Variants in RMST observed in about 807,000 individuals in gnomAD.
The protein encoded by RMST is rhabdomyosarcoma 2 associated transcript.
At chr12:97,512,516 A>G (rs1240328285) in intron 10 of RMST, among the ~76,000 whole-genome samples, 2 of 152,180 alleles carry the variant, frequency 1.3e-5, no homozygotes, top group East Asian at 3.9e-4. Context: ...AGCTAGACAC[A>G]AAGGTTCTCC....
At chr12:97,473,036 ATATAATAAAATTACTGT>A (rs1874115820) in intron 5 of RMST, among the ~76,000 whole-genome samples, 1 of 152,150 alleles carries the variant, frequency 6.6e-6, no homozygotes, top group East Asian at 1.9e-4. Flanking sequence ...TAATTGAATA[ATATAATAAAATTACTGT>A]TAGCAATCAT....
intron 10 of RMST, among the ~76,000 whole-genome samples, chr12:97,498,583 G>A (rs1877725631): frequency 8.0e-6 from 1 of 124,266 alleles, no homozygotes; most frequent in South Asian, 2.7e-4. Flanking sequence ...CAATTTTTCT[G>A]TGTAATGCAT....
intron 10 of RMST, among the ~76,000 whole-genome samples, chr12:97,513,460 A>G (rs1017173068): frequency 6.6e-6 from 1 of 152,236 alleles, no homozygotes; most frequent in African/African-American, 2.4e-5. Context: ...TATTGAGTAG[A>G]GTGCCTACTA....
Position 97,486,355 on chromosome 12 carries a change from C to T in RMST, n.645-6106C>T, listed in dbSNP as rs1028090068. Among the ~76,000 whole-genome samples, 6 of 84,426 alleles carry T rather than the reference C, an allele frequency of 7.1e-5. No homozygotes were observed. In the Admixed American group the frequency reaches 7.2e-4, roughly 10 times the overall value. The allele number at this position is 84,426 out of a possible 152,430, so 55.4% of individuals were successfully genotyped here. On this transcript the variant is annotated intron_variant and non_coding_transcript_variant, in intron 5 of 13. Coordinates refer to ENST00000640149, the Ensembl canonical transcript of RMST. Reference sequence around the variant, plus strand: ...CTAATGTGAATAAGTGACATGGCTACCTTGAACATGCTCCTATGAAAAGCA... The same window carrying T: ...CTAATGTGAATAAGTGACATGGCTATCTTGAACATGCTCCTATGAAAAGCA...
At chr12:97,478,732 A>T (rs988349456) in intron 5 of RMST, among the ~76,000 whole-genome samples, 6 of 152,220 alleles carry the variant, frequency 3.9e-5, no homozygotes, top group African/African-American at 7.2e-5. Flanking sequence ...AATAGGAGTT[A>T]AAAAAGAGAC....
intron 5 of RMST, among the ~76,000 whole-genome samples, chr12:97,469,822 C>G (rs1191947129): frequency 6.6e-6 from 1 of 152,066 alleles, no homozygotes; most frequent in Non-Finnish European, 1.5e-5. Flanking sequence ...ACAGGTACCT[C>G]ACAACTACCT....
intron 5 of RMST, among the ~76,000 whole-genome samples, chr12:97,490,657 T>C (rs1876688599): frequency 1.3e-5 from 2 of 152,226 alleles, no homozygotes; most frequent in Non-Finnish European, 2.9e-5. Flanking sequence ...TATTTATATT[T>C]AGACATTCTC....
chr12:97,552,233 A>G (rs752525887), intron 11 of RMST: 3 of 152,226 alleles, frequency 2.0e-5, no homozygotes, highest in Admixed American at 2.0e-4. Context: ...TAGAAATCTC[A>G]TATAATAAGC....
intron 10 of RMST, among the ~76,000 whole-genome samples, chr12:97,519,995 T>C (rs540972644): frequency 6.6e-6 from 1 of 152,346 alleles, no homozygotes; most frequent in Admixed American, 6.5e-5. Context: ...ACTGAAATAC[T>C]GTTTTAAGGA....
chr12:97,557,817 A>ATAT (rs1307620925), intron 11 of RMST, among the ~76,000 whole-genome samples: 3 of 152,142 alleles, frequency 2.0e-5, no homozygotes, highest in African/African-American at 7.2e-5. Flanking sequence ...AACAGTGCCA[A>ATAT]TAATAATAAT....
chr12:97,475,594 T>G (rs1262498531), intron 5 of RMST, among the ~76,000 whole-genome samples: 2 of 151,484 alleles, frequency 1.3e-5, no homozygotes, highest in Non-Finnish European at 1.5e-5. Flanking sequence ...TTTGTTTTTT[T>G]TTTTTACCAT....
At chr12:97,506,687 T>G (rs1164454295) in intron 10 of RMST, among the ~76,000 whole-genome samples, 2 of 144,810 alleles carry the variant, frequency 1.4e-5, no homozygotes, top group Admixed American at 1.4e-4. Context: ...TTTTTTTTTT[T>G]TTTTTTTTTT....
chr12:97,540,047 T>C (rs913866378), intron 11 of RMST, among the ~76,000 whole-genome samples: 10 of 151,682 alleles, frequency 6.6e-5, no homozygotes, highest in African/African-American at 2.4e-4. Flanking sequence ...GTATTGCTAA[T>C]GTATTCTAAA....
chr12:97,563,734 T>C, intron 13 of RMST: 1 of 462,102 alleles, frequency 2.2e-6, no homozygotes, highest in Non-Finnish European at 4.4e-6. Flanking sequence ...AAATGTTCTT[T>C]AATGTAGCGT....
chr12:97,502,697 C>T (rs1878214711), intron 10 of RMST, among the ~76,000 whole-genome samples: 1 of 152,152 alleles, frequency 6.6e-6, no homozygotes, highest in Admixed American at 6.5e-5. Context: ...CTTCTGGGCT[C>T]AAATGATCCA....
intron 10 of RMST, among the ~76,000 whole-genome samples, chr12:97,506,679 T>G (rs572713699): frequency 6.4e-5 from 9 of 140,240 alleles, no homozygotes; most frequent in African/African-American, 1.9e-4. Flanking sequence ...TAATCTGTTT[T>G]TTTTTTTTTT....
intron 10 of RMST, among the ~76,000 whole-genome samples, chr12:97,505,103 T>C (rs1878521655): frequency 6.6e-6 from 1 of 152,272 alleles, no homozygotes; most frequent in Non-Finnish European, 1.5e-5. Flanking sequence ...CTGGGATTTA[T>C]ACTTTGAAAT....
chr12:97,548,738 A>G (rs928041169), intron 11 of RMST, among the ~76,000 whole-genome samples: 7 of 152,136 alleles, frequency 4.6e-5, no homozygotes, highest in Admixed American at 4.6e-4. Flanking sequence ...ATTAGCTATA[A>G]CAGGTTTTTT....
At chr12:97,539,894 A>G (rs1278152012) in intron 11 of RMST, among the ~76,000 whole-genome samples, 1 of 151,628 alleles carries the variant, frequency 6.6e-6, no homozygotes. Context: ...ATTTGTGCCC[A>G]AGGTTCAACA....
Sources: gnomAD v4.1 joint callset for allele counts (sites outside exome capture counted in the v4.1 genomes callset) on GRCh38, gnomAD v4.1.1 for gene constraint, MANE v1.5 for transcripts, NCBI Gene and HGNC (gene_info 2026-07-23, HGNC 2026-07-21) for gene names.